GSE1: variants seen among roughly 807,000 people sequenced by gnomAD.
GSE1 encodes genetic suppressor element 1.
GSE1 carries 32 observed loss-of-function variants against 112.6 expected under a neutral mutation model. The ratio of observed to expected loss-of-function variants is 0.28; its 90% CI spans 0.21 to 0.38. The LOEUF (loss-of-function observed/expected upper bound fraction) is 0.38, where lower values mean the gene tolerates loss of function less well. Ranked by LOEUF, GSE1 falls within the 10% of genes least tolerant of loss-of-function variation. The probability of loss-of-function intolerance (pLI) is 1.00; values close to 1 mark genes in which losing one functional copy is unlikely to be tolerated. For missense variants in GSE1, 2,348 were observed against 1,699.2 expected (o/e 1.38, Z -6.71); for synonymous variants, 1,115 against 735.6 (o/e 1.52, Z -8.35).
chr16:85,370,471 A>G (rs1444172921), intron 2 of GSE1, among the ~76,000 whole-genome samples: 1 of 152,234 alleles, frequency 6.6e-6, no homozygotes, highest in Non-Finnish European at 1.5e-5. Flanking sequence ...GGAGGGCTCC[A>G]GGGAGGAGGC....
chr16:85,229,327 C>T (rs1401472837), intron 1 of GSE1, among the ~76,000 whole-genome samples: 3 of 152,232 alleles, frequency 2.0e-5, no homozygotes, highest in African/African-American at 7.2e-5. Flanking sequence ...TGAGAGTCAG[C>T]TCCACCTGTG....
At chr16:85,626,780 C>CCGGGAGGG (rs1370255519) in intron 1 of GSE1, among the ~76,000 whole-genome samples, 5 of 152,100 alleles carry the variant, frequency 3.3e-5, no homozygotes, top group African/African-American at 1.2e-4. Flanking sequence ...CCGCGGGAGG[C>CCGGGAGGG]CGGGAGGGCG....
intron 2 of GSE1, among the ~76,000 whole-genome samples, chr16:85,380,831 G>T (rs1000877515): frequency 6.6e-6 from 1 of 152,162 alleles, no homozygotes; most frequent in South Asian, 2.1e-4. Context: ...CTGGGAGACC[G>T]TCCTTCTCCC....
intron 1 of GSE1, among the ~76,000 whole-genome samples, chr16:85,629,852 T>C (rs1317069279): frequency 1.3e-5 from 2 of 152,208 alleles, no homozygotes; most frequent in Non-Finnish European, 2.9e-5. Flanking sequence ...GGTGTGGTGA[T>C]GCTGACCGTA....
intron 2 of GSE1, among the ~76,000 whole-genome samples, chr16:85,524,713 G>A (rs1164678605): frequency 6.6e-6 from 1 of 152,186 alleles, no homozygotes; most frequent in Non-Finnish European, 1.5e-5. Context: ...TAATCACGAG[G>A]GGGAGAGGGC....
intron 2 of GSE1, among the ~76,000 whole-genome samples, chr16:85,478,836 TTATTTTCTTTC>T (rs1397307627): frequency 1.4e-5 from 2 of 143,296 alleles, no homozygotes; most frequent in East Asian, 4.7e-4. Context: ...CCCCGCTCAT[TTATTTTCTTTC>T]TTTCTTTCTT....
intron 1 of GSE1, among the ~76,000 whole-genome samples, chr16:85,617,097 C>T (rs2048418444): frequency 3.3e-5 from 5 of 152,246 alleles, no homozygotes; most frequent in Admixed American, 2.6e-4. Context: ...TAGCATGGGC[C>T]ATCCCGTCTG....
chr16:85,332,743 C>T (rs1449415220), intron 1 of GSE1, among the ~76,000 whole-genome samples: 1 of 152,142 alleles, frequency 6.6e-6, no homozygotes, highest in African/African-American at 2.4e-5. Flanking sequence ...AGTTCGGCCT[C>T]TTCCTGTCTA....
At chr16:85,614,755 C>T (rs935107138) in intron 1 of GSE1, among the ~76,000 whole-genome samples, 11 of 152,218 alleles carry the variant, frequency 7.2e-5, no homozygotes, top group African/African-American at 2.7e-4. Context: ...ACACTAAACC[C>T]TTGCTCCCCG....
At chr16:85,485,880 G>A (rs1377025816) in intron 2 of GSE1, among the ~76,000 whole-genome samples, 2 of 152,188 alleles carry the variant, frequency 1.3e-5, no homozygotes, top group African/African-American at 2.4e-5. Context: ...AAACACCGAT[G>A]TTCTTCCCCC....
At chr16:85,576,156 C>T (rs1015305317) in intron 1 of GSE1, among the ~76,000 whole-genome samples, 3 of 152,158 alleles carry the variant, frequency 2.0e-5, no homozygotes, top group African/African-American at 4.8e-5. Context: ...AGACATTTAA[C>T]CCTGGAGCTA....
intron 2 of GSE1, among the ~76,000 whole-genome samples, chr16:85,386,494 G>A (rs546480417): frequency 6.6e-6 from 1 of 152,232 alleles, no homozygotes; most frequent in Non-Finnish European, 1.5e-5. Context: ...CTGGCAGCTT[G>A]GGCACCTACT....
chr16:85,660,088 T>G (rs1198363016), intron 8 of GSE1, among the ~76,000 whole-genome samples: 1 of 152,226 alleles, frequency 6.6e-6, no homozygotes, highest in Non-Finnish European at 1.5e-5. Context: ...GTGGCCAGCC[T>G]GCCCTGTGTC....
chr16:85,592,156 G>GT (rs1376736948), intron 1 of GSE1: 2 of 151,184 alleles, frequency 1.3e-5, no homozygotes, highest in African/African-American at 4.9e-5. Context: ...GGGTTTTTTT[G>GT]TTTGTTTGTT....
At chr16:85,443,315 T>C (rs2049426896) in intron 2 of GSE1, among the ~76,000 whole-genome samples, 1 of 152,194 alleles carries the variant, frequency 6.6e-6, no homozygotes, top group South Asian at 2.1e-4. Flanking sequence ...TTGGTCCCTG[T>C]ACCCCAAGAG....
chr16:85,544,978 T>C (rs1321262080), intron 2 of GSE1, among the ~76,000 whole-genome samples: 2 of 152,220 alleles, frequency 1.3e-5, no homozygotes, highest in African/African-American at 2.4e-5. Context: ...CAGAGTCGCA[T>C]TTATTCCCAT....
At chr16:85,580,945 A>G (rs998918023) in intron 1 of GSE1, among the ~76,000 whole-genome samples, 30 of 152,352 alleles carry the variant, frequency 2.0e-4, no homozygotes, top group African/African-American at 7.0e-4. Context: ...TGTTTAAGCC[A>G]CGAAGTCTGG....
At chr16:85,663,639 G>T in intron 11 of GSE1, 25 bp downstream of exon 11, 1 of 1,595,574 alleles carries the variant, frequency 6.3e-7, no homozygotes, top group Non-Finnish European at 8.5e-7. Context: ...GGGTAGGAAG[G>T]TGGGGGCTCA....
chr16:85,294,687 C>T (rs1459272163), intron 1 of GSE1, among the ~76,000 whole-genome samples: 2 of 146,144 alleles, frequency 1.4e-5, no homozygotes, highest in Non-Finnish European at 3.0e-5. Flanking sequence ...CCTTCCCTCC[C>T]TCCCCACCCC....
Sources: gnomAD v4.1 joint callset for allele counts (sites outside exome capture counted in the v4.1 genomes callset) on GRCh38, gnomAD v4.1.1 for gene constraint, MANE v1.5 for transcripts, NCBI Gene and HGNC (gene_info 2026-07-23, HGNC 2026-07-21) for gene names.